MICOS10: variants seen among roughly 807,000 people sequenced by gnomAD.
MICOS10 encodes the protein mitochondrial contact site and cristae organizing system subunit 10, also known as MICOS complex subunit MIC10.
Under a neutral mutation model 13.4 loss-of-function variants are expected in MICOS10, and 5 were observed. The observed-to-expected ratio is 0.37, with a 90% CI of 0.20 to 0.78. The LOEUF is 0.78. Ranked by LOEUF, MICOS10 falls within the 30% of genes least tolerant of loss-of-function variation. The pLI, the probability that MICOS10 is intolerant of heterozygous loss-of-function variation, is 0.47. For missense variants in MICOS10, 101 were observed against 94.6 expected (o/e 1.07, Z -0.28); for synonymous variants, 35 against 33.6 (o/e 1.04, Z -0.15).
intron 1 of MICOS10, among the ~76,000 whole-genome samples, chr1:19,598,474 T>C (rs1371852767): frequency 6.6e-6 from 1 of 152,126 alleles, no homozygotes; most frequent in Non-Finnish European, 1.5e-5. Flanking sequence ...GGCAATGTCA[T>C]ATAGTTAAGA....
At chr1:19,611,451 T>G (rs915853067) in intron 1 of MICOS10, among the ~76,000 whole-genome samples, 1 of 150,518 alleles carries the variant, frequency 6.6e-6, no homozygotes, top group Non-Finnish European at 1.5e-5. Flanking sequence ...TCTTTCTCTT[T>G]ATTCCAGTTG....
intron 1 of MICOS10, among the ~76,000 whole-genome samples, chr1:19,610,067 G>A (rs565173332): frequency 7.9e-5 from 12 of 152,120 alleles, no homozygotes; most frequent in African/African-American, 2.9e-4. Flanking sequence ...TCTTGAACTC[G>A]GGAGGCAGAG....
chr1:19,620,834 G>A (rs1188967555), intron 1 of MICOS10, among the ~76,000 whole-genome samples: 3 of 152,196 alleles, frequency 2.0e-5, no homozygotes, highest in African/African-American at 7.2e-5. Context: ...GCATCAGAGA[G>A]CTTTTTCTCC....
At chr1:19,610,983 G>A (rs547656802) in intron 1 of MICOS10, among the ~76,000 whole-genome samples, 7 of 150,560 alleles carry the variant, frequency 4.6e-5, no homozygotes, top group South Asian at 2.1e-4. Context: ...TCTCACTGTC[G>A]CCCAGGCTGG....
In MICOS10 at chr1:19,597,080, G is replaced by A. The variant is rs775389207; in HGVS notation, c.35G>A (p.Arg12Gln). The A allele has an allele frequency of 4.4e-6, 7 of 1,599,404 alleles. No individual in the cohort carries two copies. The highest frequency in any genetic ancestry group is 3.3e-5 in the South Asian group (3 of 89,688). ...TCGGAGCTCGGCAGGAAGTGGGACC[G>A]GTGTCTGGCGGATGCGGTCGTGAAG... ...SESELGRKWDRCLADAVVKIG... is the reference protein window; with the variant it reads ...SESELGRKWDQCLADAVVKIG... The change falls in exon 1 of 4, where the codon CGG becomes CAG. Residue 12 changes from arginine to glutamine, a missense_variant. By Grantham distance (43) the Arg-to-Gln change is conservative. Transcript: ENST00000322753.
intron 3 of MICOS10, chr1:19,625,451 A>C: frequency 7.8e-7 from 1 of 1,289,408 alleles, no homozygotes; most frequent in Non-Finnish European, 1.0e-6. Flanking sequence ...AGATGGGAGT[A>C]GGGGAGCCAT....
chr1:19,620,950 A>T (rs7531699), intron 1 of MICOS10, among the ~76,000 whole-genome samples: 1 of 152,214 alleles, frequency 6.6e-6, no homozygotes. Context: ...TTGCCTCCAG[A>T]TGGAGAAGAG....
At chr1:19,600,886 C>T in intron 1 of MICOS10, 1 of 1,289,310 alleles carries the variant, frequency 7.8e-7, no homozygotes, top group Non-Finnish European at 1.0e-6. Context: ...CAGGCATGAG[C>T]CACCACACCT....
At chr1:19,620,339 G>A (rs949059637) in intron 1 of MICOS10, among the ~76,000 whole-genome samples, 10 of 152,244 alleles carry the variant, frequency 6.6e-5, no homozygotes, top group African/African-American at 1.4e-4. Context: ...TTTTAAAAGA[G>A]AATTGTGCAT....
chr1:19,622,384 C>A (rs966792670), intron 2 of MICOS10, among the ~76,000 whole-genome samples: 2 of 152,146 alleles, frequency 1.3e-5, no homozygotes, highest in Non-Finnish European at 2.9e-5. Context: ...GCCTGTTATC[C>A]TAAATATGAT....
Position 19,623,601 on chromosome 1 carries a change from ATT to A in MICOS10, c.222+20_222+21del. 4 of 1,522,904 alleles carry A rather than the reference ATT, an allele frequency of 2.6e-6. No individual in the cohort carries two copies. The highest frequency in any genetic ancestry group is 3.6e-6 in the Non-Finnish European group (4 of 1,101,402). The allele number at this position is 1,522,904 out of a possible 1,614,324, so 94.3% of individuals were successfully genotyped here. On this transcript the variant is annotated intron_variant, in intron 3 of 3. Coordinates refer to ENST00000322753, the MANE Select transcript of MICOS10 (RefSeq NM_001032363.4). ...ATGTCAAAGTATGTACAGAATATAT[ATT>A]TCTCTTTCCTTCAGAAGAAAAAGAT...
chr1:19,604,323 A>G (rs1477243712), intron 1 of MICOS10, among the ~76,000 whole-genome samples: 2 of 152,126 alleles, frequency 1.3e-5, no homozygotes, highest in Non-Finnish European at 2.9e-5. Context: ...CCTGGCCAAC[A>G]ATGGTGAAAC....
chr1:19,625,015 G>A (rs1570513001), intron 3 of MICOS10, among the ~76,000 whole-genome samples: 1 of 152,288 alleles, frequency 6.6e-6, no homozygotes, highest in East Asian at 1.9e-4. Flanking sequence ...GGGGCTAGTG[G>A]AAAGGGCACA....
At chr1:19,608,369 A>G (rs1251936274) in intron 1 of MICOS10, 1 of 1,264,156 alleles carries the variant, frequency 7.9e-7, no homozygotes, top group Admixed American at 1.7e-5. Context: ...CCAGAGGTGC[A>G]AGGAGCTGGG....
At chr1:19,617,198 A>G in intron 1 of MICOS10, 1 of 854,316 alleles carries the variant, frequency 1.2e-6, no homozygotes, top group Non-Finnish European at 1.4e-6. Flanking sequence ...ATGACTCCAC[A>G]TTTACCTTTC....
chr1:19,621,887 A>G (rs1460160925), intron 1 of MICOS10, among the ~76,000 whole-genome samples: 2 of 152,188 alleles, frequency 1.3e-5, no homozygotes, highest in Non-Finnish European at 2.9e-5. Context: ...TAGAGAGAAC[A>G]GGGAGTCAAG....
chr1:19,612,167 C>G (rs1023538594), intron 1 of MICOS10, among the ~76,000 whole-genome samples: 1 of 150,576 alleles, frequency 6.6e-6, no homozygotes, highest in Admixed American at 6.6e-5. Context: ...CTCAGCCTCC[C>G]AAGTAATTGG....
Position 19,623,599 on chromosome 1 carries a change from A to AT in MICOS10, c.222+17dup. Reference sequence around the variant, plus strand: ...ATATGTCAAAGTATGTACAGAATATATATTTCTCTTTCCTTCAGAAGAAAA... The same window carrying AT: ...ATATGTCAAAGTATGTACAGAATATATTATTTCTCTTTCCTTCAGAAGAAAA... On this transcript the variant is annotated intron_variant, in intron 3 of 3. Coordinates refer to ENST00000322753, the MANE Select transcript of MICOS10 (RefSeq NM_001032363.4). 1 of 1,527,360 alleles carries AT rather than the reference A, an allele frequency of 6.5e-7. No individual in the cohort carries two copies. The highest frequency in any genetic ancestry group is 1.1e-5 in the South Asian group (1 of 87,900). 94.6% of individuals were successfully genotyped at this position (1,527,360 alleles called of 1,614,324 possible).
At chr1:19,611,192 T>TC (rs2094859650) in intron 1 of MICOS10, among the ~76,000 whole-genome samples, 1 of 152,040 alleles carries the variant, frequency 6.6e-6, no homozygotes, top group Non-Finnish European at 1.5e-5. Flanking sequence ...CCTCAAGTGA[T>TC]CCCCCAACTT....
Sources: allele counts gnomAD v4.1 joint callset (sites outside exome capture counted in the v4.1 genomes callset), GRCh38; gene constraint gnomAD v4.1.1; transcripts MANE v1.5; gene names NCBI Gene and HGNC (gene_info 2026-07-23, HGNC 2026-07-21).